Variants in RABGAP1 observed in about 807,000 individuals in gnomAD.
The protein encoded by RABGAP1 is RAB GTPase activating protein 1.
A neutral mutation model predicts 137.6 loss-of-function variants in RABGAP1; 23 were observed. The ratio of observed to expected loss-of-function variants is 0.17; its 90% CI spans 0.12 to 0.24. The LOEUF is 0.24. RABGAP1 is among the 10% of genes least tolerant of loss of function. The pLI is 1.00. For synonymous variants in RABGAP1, 451 were observed against 450.7 expected (o/e 1.00, Z -0.01); for missense variants, 906 against 1,275.8 (o/e 0.71, Z 4.42).
At chr9:123,099,368 C>G in intron 23 of RABGAP1, 110 bp from the exon 24 acceptor site, 1 of 1,001,108 alleles carries the variant, frequency 1.0e-6, no homozygotes. Context: ...CGGTAGCAGG[C>G]TATTTGCTAC....
rs186400186 is a variant in RABGAP1 at position 123,074,449 on chromosome 9, C to T, written c.2253+21C>T. On this transcript the variant is annotated intron_variant, in intron 17 of 25. Transcript: ENST00000373647. Reference sequence around the variant, plus strand: ...GTGAGGTATGTATCAGAGGCCACAGCACTTTGGCTTTTGTTTGCAGTGTAC... The same window carrying T: ...GTGAGGTATGTATCAGAGGCCACAGTACTTTGGCTTTTGTTTGCAGTGTAC... 43 of 1,600,850 alleles carry T rather than the reference C, an allele frequency of 2.7e-5. No homozygotes were observed. The East Asian group carries it at 7.6e-4, about 28-fold the overall frequency.
chr9:122,995,629 C>T (rs532437900), intron 6 of RABGAP1, among the ~76,000 whole-genome samples: 26 of 128,854 alleles, frequency 2.0e-4, no homozygotes, highest in Admixed American at 1.2e-3. Flanking sequence ...AGTGTAGTGG[C>T]GCAAACTTGG....
At chr9:123,098,568 C>A in intron 22 of RABGAP1, 147 bp from the exon 23 acceptor site, 1 of 620,154 alleles carries the variant, frequency 1.6e-6, no homozygotes, top group South Asian at 2.1e-5. Context: ...TTAGTGCTGC[C>A]AAGATTGAAG....
intron 1 of RABGAP1, among the ~76,000 whole-genome samples, chr9:122,956,356 C>CA (rs1451681490): frequency 4.0e-5 from 6 of 151,486 alleles, no homozygotes; most frequent in Non-Finnish European, 5.9e-5. Flanking sequence ...TGTGCCCTCA[C>CA]AATAACTAAG....
chr9:122,972,738 C>T (rs1835534643), intron 2 of RABGAP1, among the ~76,000 whole-genome samples: 1 of 152,036 alleles, frequency 6.6e-6, no homozygotes, highest in African/African-American at 2.4e-5. Context: ...GGATGGAAAC[C>T]TAATTCAGCT....
intron 1 of RABGAP1, among the ~76,000 whole-genome samples, chr9:122,954,081 A>G (rs1196673113): frequency 6.6e-6 from 1 of 152,342 alleles, no homozygotes; most frequent in East Asian, 1.9e-4. Context: ...GGGAATTAGA[A>G]TTAAAGTCTG....
At chr9:123,009,995 T>G (rs2030653872) in intron 10 of RABGAP1, among the ~76,000 whole-genome samples, 1 of 152,216 alleles carries the variant, frequency 6.6e-6, no homozygotes, top group African/African-American at 2.4e-5. Context: ...CCTTCACTAA[T>G]TTGGGAGATA....
At chr9:122,999,934 C>G (rs992212632) in intron 10 of RABGAP1, among the ~76,000 whole-genome samples, 13 of 151,688 alleles carry the variant, frequency 8.6e-5, no homozygotes, top group African/African-American at 3.1e-4. Flanking sequence ...TTTTTATCAA[C>G]TTTTAATCTG....
intron 6 of RABGAP1, among the ~76,000 whole-genome samples, chr9:122,993,492 G>C (rs1245082094): frequency 1.3e-5 from 2 of 150,202 alleles, no homozygotes; most frequent in African/African-American, 4.9e-5. Context: ...GGCTGGTCTC[G>C]AACTCCTGAC....
intron 1 of RABGAP1, among the ~76,000 whole-genome samples, chr9:122,944,959 A>G (rs1023754919): frequency 1.3e-5 from 2 of 151,932 alleles, no homozygotes; most frequent in African/African-American, 2.4e-5. Context: ...ATAGAACTCA[A>G]ATATTTAAGA....
At chr9:122,949,949 T>C (rs577887141) in intron 1 of RABGAP1, among the ~76,000 whole-genome samples, 1 of 152,152 alleles carries the variant, frequency 6.6e-6, no homozygotes, top group Non-Finnish European at 1.5e-5. Flanking sequence ...TTGAAAGCAT[T>C]AAAATGCATG....
intron 10 of RABGAP1, among the ~76,000 whole-genome samples, chr9:123,000,693 A>G (rs1050155726): frequency 6.6e-6 from 1 of 151,808 alleles, no homozygotes; most frequent in Non-Finnish European, 1.5e-5. Flanking sequence ...TTCTTTTTTA[A>G]AATATAGATG....
rs1836371962 is a variant in RABGAP1, at chr9:122,986,416, T to C, written c.587T>C (p.Val196Ala). The C allele has an allele frequency of 6.2e-7, 1 of 1,613,730 alleles. No individual in the cohort carries two copies. Among genetic ancestry groups the C allele is most frequent in the Non-Finnish European group, 8.5e-7 (1 of 1,179,730 alleles). Residue 196 changes from valine (V) to alanine (A), a missense_variant, in exon 4 of 26, where the codon GTG (valine) becomes GCG (alanine). Transcript: ENST00000373647. ...LSVPNVSEGI[V>A]RLLDPQTNTE... Reference sequence around the variant, plus strand: ...GTGCCGAATGTGTCTGAAGGAATTGTGAGGTGAGACTGGTTTGTTGAAATC... The same window carrying C: ...GTGCCGAATGTGTCTGAAGGAATTGCGAGGTGAGACTGGTTTGTTGAAATC...
chr9:123,099,859 G>A (rs550704883), intron 24 of RABGAP1, among the ~76,000 whole-genome samples: 1 of 152,378 alleles, frequency 6.6e-6, no homozygotes, highest in East Asian at 1.9e-4. Context: ...GCAAGTGATA[G>A]GTCTTGCTTG....
chr9:122,999,166 ATTGTTG>A (rs917341890), intron 10 of RABGAP1, among the ~76,000 whole-genome samples: 6 of 146,156 alleles, frequency 4.1e-5, no homozygotes, highest in Admixed American at 6.8e-5. Flanking sequence ...TTTCATTTTT[ATTGTTG>A]TTGTTGTTGT....
Position 123,103,430 on chromosome 9 carries a change from T to C in RABGAP1, c.*217T>C. On this transcript the variant is annotated 3_prime_UTR_variant, in exon 26 of 26. Coordinates refer to ENST00000373647, the MANE Select transcript of RABGAP1 (RefSeq NM_012197.4). The stretch of plus-strand genomic sequence containing the variant: ...ACAGGCCTGCTAGCTCAGCCGACGC[T>C]CTGGACACTCTAGAAATCACTCCTC... 3 of 547,252 alleles carry C rather than the reference T, an allele frequency of 5.5e-6. No homozygotes were observed. Among genetic ancestry groups the C allele is most frequent in the South Asian group, 4.4e-5 (2 of 45,096 alleles). 33.9% of individuals were successfully genotyped at this position (547,252 alleles called of 1,614,324 possible).
At chr9:123,004,021 C>T (rs894447813) in intron 10 of RABGAP1, among the ~76,000 whole-genome samples, 5 of 152,136 alleles carry the variant, frequency 3.3e-5, no homozygotes, top group South Asian at 2.1e-4. Flanking sequence ...ACTGGATACC[C>T]GGGCCTCTTA....
intron 11 of RABGAP1, among the ~76,000 whole-genome samples, chr9:123,012,265 A>G (rs1164000626): frequency 1.3e-5 from 2 of 152,226 alleles, no homozygotes; most frequent in Non-Finnish European, 2.9e-5. Flanking sequence ...CTGTTGTGTA[A>G]CAGTCTTGAT....
the RABGAP1 span, among the ~76,000 whole-genome samples, chr9:122,934,254 AT>A: frequency 1.3e-5 from 2 of 150,534 alleles, no homozygotes; most frequent in African/African-American, 4.9e-5. Context: ...ATTTTTTTGT[AT>A]TTTTAGTAGA....
Sources: allele counts gnomAD v4.1 joint callset (sites outside exome capture counted in the v4.1 genomes callset), GRCh38; gene constraint gnomAD v4.1.1; transcripts MANE v1.5; gene names NCBI Gene and HGNC (gene_info 2026-07-23, HGNC 2026-07-21).